PRSS23: variants seen among roughly 807,000 people sequenced by gnomAD.
PRSS23 encodes serine protease 23, also known as protease, serine 23.
PRSS23 carries 25 observed loss-of-function variants against 34.7 expected under a neutral mutation model. The ratio of observed to expected loss-of-function variants is 0.72; its 90% CI spans 0.53 to 1.01. The LOEUF (loss-of-function observed/expected upper bound fraction) is 1.01. Ranked by LOEUF, PRSS23 falls within the 50% of genes least tolerant of loss-of-function variation. The pLI, the probability that PRSS23 is intolerant of heterozygous loss-of-function variation, is 0.00. For synonymous variants in PRSS23, 176 were observed against 186.6 expected, an observed-to-expected ratio of 0.94 and a Z score of 0.46; for missense variants, 445 against 475.6, an observed-to-expected ratio of 0.94 and a Z score of 0.60.
chr11:86,838,328 G>T (rs1308082738), intron 2 of PRSS23, among the ~76,000 whole-genome samples: 1 of 152,178 alleles, frequency 6.6e-6, no homozygotes, highest in East Asian at 1.9e-4. Context: ...GCCTGGCTTG[G>T]TGGGTGCCAC....
intron 2 of PRSS23, among the ~76,000 whole-genome samples, chr11:86,860,374 C>T (rs1346152697): frequency 6.6e-6 from 1 of 151,810 alleles, no homozygotes; most frequent in Non-Finnish European, 1.5e-5. Context: ...GTACACTGCC[C>T]TTGTGGTGTG....
intron 1 of PRSS23, among the ~76,000 whole-genome samples, chr11:86,822,170 A>C (rs1035641521): frequency 2.0e-5 from 3 of 152,192 alleles, no homozygotes; most frequent in African/African-American, 7.2e-5. Context: ...TATGCAAGGC[A>C]TAGTAGGTAA....
intron 2 of PRSS23, among the ~76,000 whole-genome samples, chr11:86,920,534 C>T (rs1271866012): frequency 6.6e-6 from 1 of 152,138 alleles, no homozygotes; most frequent in Non-Finnish European, 1.5e-5. Context: ...CATACTAGGC[C>T]TGGGAAGAAT....
intron 2 of PRSS23, chr11:86,935,945 T>A (rs927598683): frequency 1.3e-5 from 2 of 152,316 alleles, no homozygotes; most frequent in South Asian, 4.1e-4. Context: ...CAGCAAAGCA[T>A]TAAACAAAGC....
At chr11:86,876,399 C>T (rs1365776995) in intron 2 of PRSS23, among the ~76,000 whole-genome samples, 1 of 152,226 alleles carries the variant, frequency 6.6e-6, no homozygotes, top group Non-Finnish European at 1.5e-5. Flanking sequence ...CTCTGGCTAA[C>T]CATTATTGCC....
At chr11:86,934,943 A>G (rs1197701617) in intron 2 of PRSS23, 1 of 152,270 alleles carries the variant, frequency 6.6e-6, no homozygotes, top group East Asian at 1.9e-4. Context: ...TCTAGCTCCA[A>G]TGACCATTCT....
rs199709944 is a variant in PRSS23 at position 86,808,310 on chromosome 11, C to T, written c.667C>T (p.Arg223Trp). ...MPEQMKFQWI[R>W]VKRTHVPKGW... Reference sequence around the variant, plus strand: ...CGAGCAGATGAAATTTCAGTGGATCCGGGTGAAACGCACCCATGTGCCCAA... The same window carrying T: ...CGAGCAGATGAAATTTCAGTGGATCTGGGTGAAACGCACCCATGTGCCCAA... The change falls in exon 2 of 2, where the codon CGG becomes TGG. Residue 223 changes from arginine to tryptophan, a missense_variant. Arg to Trp is a moderately radical substitution (Grantham distance 101). Transcript: ENST00000280258. The T allele has an allele frequency of 5.5e-5, 89 of 1,614,098 alleles. No individual in the cohort carries two copies. The East Asian group carries it at 1.2e-3, about 22-fold the overall frequency.
chr11:86,805,707 C>T (rs1416586861), intron 1 of PRSS23, among the ~76,000 whole-genome samples: 1 of 152,104 alleles, frequency 6.6e-6, no homozygotes, highest in Non-Finnish European at 1.5e-5. Context: ...GTGGGGCACA[C>T]ACATATGTTA....
At chr11:86,915,136 C>A (rs916416025) in intron 2 of PRSS23, among the ~76,000 whole-genome samples, 1 of 152,072 alleles carries the variant, frequency 6.6e-6, no homozygotes, top group Non-Finnish European at 1.5e-5. Context: ...ATTGGAAAAC[C>A]CGAATTTTAC....
rs140038273 is a variant in PRSS23 at position 86,808,692 on chromosome 11, G to T, written c.1049G>T (p.Gly350Val). 2.3e-4 allele frequency: 371 copies of T among 1,614,006 alleles called. No homozygotes were observed. Among genetic ancestry groups the T allele is most frequent in the Non-Finnish European group, 3.1e-4 (361 of 1,180,032 alleles). ...GGGCACCAGTGGGTGGACATGAATG[G>T]TTCCCCACAGGATTTCAACGTGGCT... ...FSGHQWVDMN[G>V]SPQDFNVAVR... The change falls in exon 2 of 2, where the codon GGT (glycine) becomes GTT (valine). Residue 350 changes from glycine to valine, a missense_variant. Transcript: ENST00000280258.
intron 2 of PRSS23, chr11:86,910,304 C>T (rs1948968958): frequency 6.6e-6 from 1 of 152,112 alleles, no homozygotes; most frequent in African/African-American, 2.4e-5. Flanking sequence ...AGTTTTCATA[C>T]AGCTCTTCTC....
At chr11:86,812,574 G>A (rs1326867252), downstream of PRSS23, among the ~76,000 whole-genome samples, 1 of 151,648 alleles carries the variant, frequency 6.6e-6, no homozygotes, top group Non-Finnish European at 1.5e-5. Context: ...GATCACTTGA[G>A]GTGAGGAGCT....
intron 2 of PRSS23, chr11:86,910,058 TTG>T: frequency 6.6e-6 from 1 of 152,056 alleles, no homozygotes; most frequent in African/African-American, 2.4e-5. Context: ...TTCAACTCTT[TTG>T]AATTAGTCTC....
chr11:86,869,210 T>A (rs934733161), intron 2 of PRSS23, among the ~76,000 whole-genome samples: 1 of 152,152 alleles, frequency 6.6e-6, no homozygotes, highest in Non-Finnish European at 1.5e-5. Context: ...CATAACAGAT[T>A]TGACAGAACA....
intron 2 of PRSS23, among the ~76,000 whole-genome samples, chr11:86,917,314 G>A (rs187151740): frequency 3.9e-5 from 6 of 152,300 alleles, no homozygotes; most frequent in East Asian, 1.9e-4. Flanking sequence ...GTGAGACTCC[G>A]TCTCAATCAA....
chr11:86,848,399 A>G (rs762227686), intron 2 of PRSS23, among the ~76,000 whole-genome samples: 6 of 152,228 alleles, frequency 3.9e-5, no homozygotes. Context: ...TCCCCACTGT[A>G]AATCCTTATT....
At chr11:86,910,061 A>C (rs554188764) in intron 2 of PRSS23, 1 of 151,834 alleles carries the variant, frequency 6.6e-6, no homozygotes, top group Non-Finnish European at 1.5e-5. Flanking sequence ...AACTCTTTTG[A>C]ATTAGTCTCC....
intron 2 of PRSS23, among the ~76,000 whole-genome samples, chr11:86,901,268 T>C (rs527391166): frequency 3.9e-5 from 6 of 152,148 alleles, no homozygotes; most frequent in Non-Finnish European, 8.8e-5. Context: ...TTGACCAATA[T>C]GCACCTATTT....
intron 2 of PRSS23, among the ~76,000 whole-genome samples, chr11:86,899,100 C>T (rs1191818498): frequency 2.6e-5 from 4 of 152,140 alleles, no homozygotes; most frequent in African/African-American, 9.7e-5. Context: ...TCAAACCCCA[C>T]CTGCTTCAAC....
Sources: allele counts gnomAD v4.1 joint callset (sites outside exome capture counted in the v4.1 genomes callset), GRCh38; gene constraint gnomAD v4.1.1; transcripts MANE v1.5; gene names NCBI Gene and HGNC (gene_info 2026-07-23, HGNC 2026-07-21).